RGS3: variants seen among roughly 807,000 people sequenced by gnomAD.
RGS3 encodes the protein regulator of G-protein signalling 3.
A neutral mutation model predicts 132.6 loss-of-function variants in RGS3; 80 were observed. The observed-to-expected ratio is 0.60, with a 90% CI of 0.50 to 0.73. RGS3 has a LOEUF of 0.73. Ranked by LOEUF, RGS3 falls within the 30% of genes least tolerant of loss-of-function variation. RGS3 has a pLI of 0.00. For synonymous variants in RGS3, 598 were observed against 620.6 expected, an observed-to-expected ratio of 0.96 and a Z score of 0.54; for missense variants, 1,382 against 1,530.8, an observed-to-expected ratio of 0.90 and a Z score of 1.62.
intron 14 of RGS3, among the ~76,000 whole-genome samples, chr9:113,512,227 G>A (rs1831436394): frequency 6.6e-6 from 1 of 152,216 alleles, no homozygotes; most frequent in South Asian, 2.1e-4. Context: ...ATTCAGTGAT[G>A]ATCTTGAGAC....
intron 16 of RGS3, among the ~76,000 whole-genome samples, chr9:113,520,542 G>GTTT (rs768805637): frequency 8.6e-5 from 11 of 127,400 alleles, no homozygotes; most frequent in African/African-American, 2.0e-4. Flanking sequence ...GGCCTGGGCT[G>GTTT]TTTTTTTTTT....
At position 113,591,380 on chromosome 9, in the gene RGS3, G is replaced by T. The variant is rs554266420; in HGVS notation, c.3063G>T (p.Lys1021Asn). The T allele has an allele frequency of 6.2e-7, 1 of 1,613,736 alleles. No individual in the cohort carries two copies. The highest frequency in any genetic ancestry group is 2.2e-5 in the East Asian group (1 of 44,886). ...GGGATGATGACGAAGCCTCCCGGAAGAGAAAGAGCAAAAACCTGTACGTTG... is the reference window on the plus strand; with the variant it reads ...GGGATGATGACGAAGCCTCCCGGAATAGAAAGAGCAAAAACCTGTACGTTG... The change falls in exon 21 of 25, where the codon AAG becomes AAT. Residue 1021 changes from lysine (K) to asparagine (N), a missense_variant. Transcript: ENST00000350696. The surrounding 1 kb of genome is among the most constrained non-coding windows in gnomAD (Gnocchi z 4.4).
chr9:113,485,356 T>C (rs573422429), intron 6 of RGS3, among the ~76,000 whole-genome samples: 14 of 152,332 alleles, frequency 9.2e-5, no homozygotes, highest in Admixed American at 9.2e-4. Flanking sequence ...CCCAAAGTGC[T>C]GGGATTACAG....
intron 1 of RGS3, among the ~76,000 whole-genome samples, chr9:113,447,695 A>C (rs1338505979): frequency 6.6e-6 from 1 of 151,806 alleles, no homozygotes; most frequent in Non-Finnish European, 1.5e-5. Context: ...ATCATCTTTG[A>C]CCTTTTCTTT....
chr9:113,536,717 G>T, intron 18 of RGS3, 79 bp from the exon 17 acceptor site: 2 of 1,563,958 alleles, frequency 1.3e-6, no homozygotes, highest in East Asian at 2.3e-5. Flanking sequence ...CTGGAGCCCA[G>T]GGATGGGCTT....
At chr9:113,523,085 C>G (rs1279828551) in intron 17 of RGS3, 44 bp downstream of exon 15, 2 of 1,255,640 alleles carry the variant, frequency 1.6e-6, no homozygotes, top group African/African-American at 1.5e-5. Flanking sequence ...TCAACTTGCC[C>G]CAGTCCCACT....
chr9:113,478,197 A>C (rs955832249), intron 3 of RGS3, among the ~76,000 whole-genome samples: 1 of 151,484 alleles, frequency 6.6e-6, no homozygotes. Flanking sequence ...TTCTCTTTAC[A>C]TGTCCCCTCC....
chr9:113,584,231 G>T, exon 20 of RGS3: 1 of 1,612,328 alleles, frequency 6.2e-7, no homozygotes, highest in Non-Finnish European at 8.5e-7. Flanking sequence ...CTGCGGCGCC[G>T]GACGCACAGC....
exon 19 of RGS3, chr9:113,536,849 A>C (rs1832700061): frequency 1.2e-6 from 2 of 1,614,002 alleles, no homozygotes; most frequent in Non-Finnish European, 1.7e-6. Context: ...AGAAGAAGAG[A>C]GTGTGCTGGT....
chr9:113,537,353 A>G lies in RGS3; in HGVS notation c.2037+435A>G, dbSNP rs780851550. ...TGCGGCAGAAGCTGTTGTATGCTGTATAGTTCCATGTGGGCCAGAGCCAAG... is the reference window on the plus strand; with the variant it reads ...TGCGGCAGAAGCTGTTGTATGCTGTGTAGTTCCATGTGGGCCAGAGCCAAG... On this transcript the variant is annotated intron_variant, in intron 19 of 24. Transcript: ENST00000350696. This position sits in a 1 kb window ranked among gnomAD's most constrained non-coding sequence, Gnocchi z 4.3. 7.9e-5 allele frequency among the ~76,000 whole-genome samples: 12 copies of G among 152,174 alleles called. No individual in the cohort carries two copies. Among genetic ancestry groups the G allele is most frequent in the Non-Finnish European group, 1.6e-4 (11 of 68,026 alleles).
At chr9:113,498,610 A>G (rs551185302) in intron 10 of RGS3, among the ~76,000 whole-genome samples, 4 of 152,140 alleles carry the variant, frequency 2.6e-5, no homozygotes, top group Non-Finnish European at 5.9e-5. Context: ...GTTTTCTTTA[A>G]CAAGTAAGAG....
At chr9:113,495,962 G>T in intron 8 of RGS3, 116 bp downstream of exon 6, 1 of 908,400 alleles carries the variant, frequency 1.1e-6, no homozygotes. Context: ...GTGCCCCACT[G>T]AGACAGGTGC....
intron 1 of RGS3, among the ~76,000 whole-genome samples, chr9:113,450,821 A>G (rs111837447): frequency 0.04 from 6,095 of 152,270 alleles, 164 homozygotes; most frequent in South Asian, 0.1. Flanking sequence ...AGTGGTCTGC[A>G]TAATGAGGAA....
Position 113,565,080 on chromosome 9 carries a change from G to C in RGS3, c.2038-18370G>C. ...CCAGTGCCAGGGGGTGCCGTTGTGA[G>C]GGATGGACGCCTCTCCCCCGGAGCA... On this transcript the variant is annotated intron_variant, in intron 19 of 24. Transcript: ENST00000350696. This position sits in a 1 kb window ranked among gnomAD's most constrained non-coding sequence, Gnocchi z 5.7. 8.6e-7 allele frequency: 1 copy of C among 1,156,544 alleles called. No individual in the cohort carries two copies. Among genetic ancestry groups the C allele is most frequent in the Non-Finnish European group, 1.1e-6 (1 of 925,290 alleles). The allele number at this position is 1,156,544 out of a possible 1,614,324, so 71.6% of individuals were successfully genotyped here. A position where few individuals can be genotyped will look rare whatever the true frequency, so the allele number is the denominator to read the frequency against.
intron 19 of RGS3, among the ~76,000 whole-genome samples, chr9:113,539,272 C>T (rs1291273760): frequency 2.6e-5 from 4 of 152,150 alleles, no homozygotes; most frequent in African/African-American, 7.2e-5. Context: ...AAACGGAGCC[C>T]GGAGGCTGGC....
chr9:113,495,987 T>C, intron 8 of RGS3, 141 bp downstream of exon 6: 1 of 764,368 alleles, frequency 1.3e-6, no homozygotes, highest in Non-Finnish European at 2.3e-6. Flanking sequence ...TGGGGTGGCC[T>C]GCATAGCAGC....
At chr9:113,490,981 T>C (rs1379347068) in intron 7 of RGS3, among the ~76,000 whole-genome samples, 1 of 133,722 alleles carries the variant, frequency 7.5e-6, no homozygotes, top group African/African-American at 2.9e-5. Context: ...ATAACTTAAT[T>C]ATTATATATT....
chr9:113,535,291 G>A (rs774397105), intron 18 of RGS3, among the ~76,000 whole-genome samples: 8 of 151,840 alleles, frequency 5.3e-5, no homozygotes, highest in East Asian at 1.9e-4. Flanking sequence ...CTCCTGCCTC[G>A]GCCTCCTGAG....
chr9:113,576,015 A>G (rs972793121), intron 19 of RGS3, among the ~76,000 whole-genome samples: 7 of 152,074 alleles, frequency 4.6e-5, no homozygotes, highest in African/African-American at 1.7e-4. Flanking sequence ...CCTGGCTAAC[A>G]TGGTGAAACC....
Sources: gnomAD v4.1 joint callset for allele counts (sites outside exome capture counted in the v4.1 genomes callset) on GRCh38, gnomAD v4.1.1 for gene constraint, Gnocchi (gnomAD v3.1) non-coding constraint, MANE v1.5 for transcripts, NCBI Gene and HGNC (gene_info 2026-07-23, HGNC 2026-07-21) for gene names.